GATB: variants seen among roughly 807,000 people sequenced by gnomAD.
GATB encodes the protein glutamyl-tRNA(Gln) amidotransferase subunit B, mitochondrial.
Under a neutral mutation model 62.3 loss-of-function variants are expected in GATB, and 39 were observed. The observed-to-expected ratio is 0.63, with a 90% CI of 0.48 to 0.82. GATB has a LOEUF of 0.82. GATB is among the 40% of genes least tolerant of loss of function. GATB has a pLI of 0.00. For synonymous variants in GATB, 276 were observed against 258.9 expected (o/e 1.07, Z -0.63); for missense variants, 670 against 684.0 (o/e 0.98, Z 0.23).
chr4:151,758,702 A>C, intron 2 of GATB, 70 bp downstream of exon 2: 1 of 1,257,542 alleles, frequency 8.0e-7, no homozygotes, highest in Non-Finnish European at 1.1e-6. Context: ...TAAAACAAGA[A>C]AATAATTTTC....
At chr4:151,704,011 T>G in intron 7 of GATB, 116 bp from the exon 8 acceptor site, 1 of 662,348 alleles carries the variant, frequency 1.5e-6, no homozygotes, top group Non-Finnish European at 2.7e-6. Context: ...TCTGTGGACT[T>G]CCATGGGGAA....
intron 5 of GATB, among the ~76,000 whole-genome samples, chr4:151,713,733 C>T (rs1738863502): frequency 6.6e-6 from 1 of 152,182 alleles, no homozygotes; most frequent in Non-Finnish European, 1.5e-5. Flanking sequence ...TCCTGCCTCT[C>T]TTAAGTCAGC....
At chr4:151,725,161 GACC>G (rs1303198438) in intron 2 of GATB, among the ~76,000 whole-genome samples, 1 of 152,230 alleles carries the variant, frequency 6.6e-6, no homozygotes, top group Admixed American at 6.5e-5. Context: ...CCATGGGTAA[GACC>G]CATCCTCTAT....
At chr4:151,708,454 T>C (rs922280027) in intron 5 of GATB, among the ~76,000 whole-genome samples, 1 of 152,170 alleles carries the variant, frequency 6.6e-6, no homozygotes, top group African/African-American at 2.4e-5. Flanking sequence ...AGATTGACTC[T>C]GCAGTTTTAT....
chr4:151,708,071 G>A lies in GATB; in HGVS notation c.794C>T (p.Ser265Phe). The change falls in exon 6 of 13, where the codon TCC becomes TTC. Residue 265 changes from serine (S) to phenylalanine (F), a missense_variant. By Grantham distance (155) the Ser-to-Phe change is radical. Coordinates refer to ENST00000263985, the MANE Select transcript of GATB (RefSeq NM_004564.3). ...CAAAGGCTCCCCAGGGTGATGCACG[G>A]ATATATTGGCATCCACTCTCAACTG... Reference protein sequence around the residue: ...EGQLRVDANISVHHPGEPLGV... With the variant: ...EGQLRVDANIFVHHPGEPLGV... 6.2e-7 allele frequency: 1 copy of A among 1,613,706 alleles called. No individual in the cohort carries two copies. Among genetic ancestry groups the A allele is most frequent in the South Asian group, 1.1e-5 (1 of 91,058 alleles).
chr4:151,733,081 CA>C (rs1034842523), intron 2 of GATB, among the ~76,000 whole-genome samples: 1 of 151,730 alleles, frequency 6.6e-6, no homozygotes, highest in Non-Finnish European at 1.5e-5. Context: ...AAGAACAAAC[CA>C]AACCCAAACC....
chr4:151,745,615 A>AC (rs1739580249), intron 2 of GATB, among the ~76,000 whole-genome samples: 1 of 152,254 alleles, frequency 6.6e-6, no homozygotes, highest in Non-Finnish European at 1.5e-5. Flanking sequence ...TCTCTAGCAG[A>AC]AAGCACAGCA....
At chr4:151,735,768 T>C (rs553655199) in intron 2 of GATB, among the ~76,000 whole-genome samples, 2 of 93,264 alleles carry the variant, frequency 2.1e-5, no homozygotes, top group South Asian at 9.2e-4. Context: ...GATGGAATAC[T>C]ACTCAGCCAT....
chr4:151,680,000 C>G, intron 10 of GATB, 109 bp from the exon 11 acceptor site: 1 of 872,988 alleles, frequency 1.1e-6, no homozygotes, highest in East Asian at 2.5e-5. Flanking sequence ...AATATCGGAC[C>G]CACGCCTAGG....
intron 10 of GATB, among the ~76,000 whole-genome samples, chr4:151,680,684 A>C (rs1738120716): frequency 6.6e-6 from 1 of 152,250 alleles, no homozygotes; most frequent in African/African-American, 2.4e-5. Flanking sequence ...TGACTTCTAA[A>C]TACAGGTTGA....
intron 2 of GATB, among the ~76,000 whole-genome samples, chr4:151,752,979 G>A (rs775117606): frequency 6.6e-6 from 1 of 152,136 alleles, no homozygotes; most frequent in African/African-American, 2.4e-5. Context: ...AATATCTCAT[G>A]TTCTTCCCAC....
chr4:151,729,076 A>G (rs1484590213), intron 2 of GATB, among the ~76,000 whole-genome samples: 1 of 152,204 alleles, frequency 6.6e-6, no homozygotes, highest in East Asian at 1.9e-4. Flanking sequence ...GCTACCTTTA[A>G]TTTCACACAT....
chr4:151,722,263 G>A (rs1056462038), intron 2 of GATB: 1 of 700,104 alleles, frequency 1.4e-6, no homozygotes, highest in Non-Finnish European at 2.6e-6. Flanking sequence ...AACTTTAGGG[G>A]TACATAGATA....
At chr4:151,742,095 T>TTC (rs1309395241) in intron 2 of GATB, among the ~76,000 whole-genome samples, 2 of 151,136 alleles carry the variant, frequency 1.3e-5, no homozygotes, top group African/African-American at 4.9e-5. Flanking sequence ...ATATGGTTTT[T>TTC]TTTTTTTTTT....
At chr4:151,738,581 T>C (rs1739424859) in intron 2 of GATB, among the ~76,000 whole-genome samples, 1 of 152,204 alleles carries the variant, frequency 6.6e-6, no homozygotes, top group Non-Finnish European at 1.5e-5. Context: ...AATACAAGTA[T>C]TATAATAACA....
Position 151,758,765 on chromosome 4 carries a change from A to C in GATB, c.327+7T>G. On this transcript the variant is annotated splice_region_variant and intron_variant, in intron 2 of 12. Coordinates refer to ENST00000263985, the MANE Select transcript of GATB (RefSeq NM_004564.3). ...CTAATGAAAATAGGATTAAATAAGAATCTTACCGGCAAAGTTCCAGGTAGA... is the reference window on the plus strand; with the variant it reads ...CTAATGAAAATAGGATTAAATAAGACTCTTACCGGCAAAGTTCCAGGTAGA... The C allele has an allele frequency of 6.4e-7, 1 of 1,558,794 alleles. No homozygotes were observed. Among genetic ancestry groups the C allele is most frequent in the Non-Finnish European group, 8.7e-7 (1 of 1,155,032 alleles).
chr4:151,722,174 T>C (rs757741630), intron 2 of GATB: 7 of 702,142 alleles, frequency 1.0e-5, no homozygotes, highest in South Asian at 5.9e-5. Context: ...GTTCTGAGGA[T>C]AGGATACAGA....
chr4:151,675,165 G>A (rs1737971060), intron 11 of GATB: 1 of 152,200 alleles, frequency 6.6e-6, no homozygotes, highest in Non-Finnish European at 1.5e-5. Flanking sequence ...GCACCTCTAG[G>A]ACAGATGCCT....
rs947314020 is a variant in GATB at position 151,671,139 on chromosome 4, G to T, written c.*35C>A. The T allele has an allele frequency of 1.9e-6, 3 of 1,613,420 alleles. No individual in the cohort carries two copies. The highest frequency in any genetic ancestry group is 1.1e-5 in the South Asian group (1 of 91,058). On this transcript the variant is annotated 3_prime_UTR_variant, in exon 13 of 13. Coordinates refer to ENST00000263985, the MANE Select transcript of GATB (RefSeq NM_004564.3). ...TGTTCCCAGTCAGGCTGCACTGTTT[G>T]TTGTTGTCCCTTGGGCAAGGGGATC...
Sources: allele counts gnomAD v4.1 joint callset (sites outside exome capture counted in the v4.1 genomes callset), GRCh38; gene constraint gnomAD v4.1.1; transcripts MANE v1.5; gene names NCBI Gene and HGNC (gene_info 2026-07-23, HGNC 2026-07-21).